SSH2: variants seen among roughly 807,000 people sequenced by gnomAD.
SSH2 encodes slingshot protein phosphatase 2, also known as protein phosphatase Slingshot homolog 2.
A neutral mutation model predicts 135.2 loss-of-function variants in SSH2; 37 were observed. The ratio of observed to expected loss-of-function variants is 0.27; its 90% CI spans 0.21 to 0.36. SSH2 has a LOEUF of 0.36. Among genes scored for constraint, SSH2 ranks in the 10% least tolerant of loss-of-function variants. SSH2 has a pLI of 1.00. For missense variants in SSH2, 1,408 were observed against 1,765.3 expected (o/e 0.80, Z 3.63); for synonymous variants, 628 against 646.2 (o/e 0.97, Z 0.43).
Position 29,930,037 on chromosome 17 carries a change from T to C in SSH2, c.-37A>G. 7.2e-7 allele frequency: 1 copy of C among 1,390,714 alleles called. No homozygotes were observed. Among genetic ancestry groups the C allele is most frequent in the Non-Finnish European group, 9.5e-7 (1 of 1,048,272 alleles). 86.1% of individuals were successfully genotyped at this position (1,390,714 alleles called of 1,614,324 possible). ...TGGGTTGTTCCGGGCAGGGCATTCT[T>C]GTCCTGAGTGTGGGGGACGGGAGGG... On this transcript the variant is annotated 5_prime_UTR_variant, in exon 1 of 16. Transcript: ENST00000540801.
intron 2 of SSH2, among the ~76,000 whole-genome samples, chr17:29,796,380 G>A (rs1484625296): frequency 6.6e-6 from 1 of 151,894 alleles, no homozygotes; most frequent in Non-Finnish European, 1.5e-5. Flanking sequence ...TCGCTCTGTT[G>A]CCCAGGCTGG....
intron 2 of SSH2, among the ~76,000 whole-genome samples, chr17:29,811,601 C>T (rs896565490): frequency 6.6e-6 from 1 of 151,214 alleles, no homozygotes; most frequent in Non-Finnish European, 1.5e-5. Context: ...CAGAGTCTAG[C>T]TCTGTTGCCC....
At chr17:29,761,074 A>ATGCTGGGGAAAGCGGC in intron 3 of SSH2, 1 of 1,275,150 alleles carries the variant, frequency 7.8e-7, no homozygotes, top group South Asian at 1.2e-5. Context: ...GCTCCCCAGG[A>ATGCTGGGGAAAGCGGC]TGCTGGGGAA....
At chr17:29,665,191 G>A (rs1321104457) in intron 11 of SSH2, among the ~76,000 whole-genome samples, 5 of 152,184 alleles carry the variant, frequency 3.3e-5, no homozygotes, top group Non-Finnish European at 7.3e-5. Flanking sequence ...CTGAATCCTT[G>A]TGGAAGTATA....
chr17:29,703,459 A>G (rs889915245), intron 3 of SSH2, among the ~76,000 whole-genome samples: 4 of 152,096 alleles, frequency 2.6e-5, no homozygotes, highest in Non-Finnish European at 5.9e-5. Flanking sequence ...GTAGGTCAAG[A>G]TGGTCTCAAA....
chr17:29,928,316 G>A, intron 1 of SSH2: 1 of 386,416 alleles, frequency 2.6e-6, no homozygotes, highest in East Asian at 3.7e-5. Flanking sequence ...TATGATACTT[G>A]TCTTCAGATG....
intron 1 of SSH2, among the ~76,000 whole-genome samples, chr17:29,924,413 T>C (rs1161769503): frequency 6.6e-6 from 1 of 152,228 alleles, no homozygotes; most frequent in African/African-American, 2.4e-5. Context: ...GTCAAAACTT[T>C]GGTGAAACTT....
rs555751025 is a variant in SSH2 at position 29,657,520 on chromosome 17, C to T, written c.1033-1913G>A. Among the ~76,000 whole-genome samples the T allele has an allele frequency of 1.5e-3, 222 of 150,828 alleles. 2 individuals are homozygous for T. The Middle Eastern group carries it at 0.021, about 14-fold the overall frequency. ...CTGACCTCAGGTGATCCGCCTGCCT[C>T]GGCCTCCCAAAGGGCTGGGATTACA... On this transcript the variant is annotated intron_variant, in intron 11 of 15. Transcript: ENST00000540801.
At chr17:29,664,153 G>A (rs1269221685) in intron 11 of SSH2, among the ~76,000 whole-genome samples, 2 of 152,086 alleles carry the variant, frequency 1.3e-5, no homozygotes, top group Admixed American at 6.6e-5. Context: ...AGGCTGAGGC[G>A]GGAGGATCAG....
chr17:29,822,863 T>C (rs191239218), intron 2 of SSH2, among the ~76,000 whole-genome samples: 40 of 152,328 alleles, frequency 2.6e-4, no homozygotes, highest in Admixed American at 1.2e-3. Flanking sequence ...ATCTGCAAAG[T>C]GAATTCACTG....
intron 1 of SSH2, chr17:29,863,417 T>C (rs1014341792): frequency 3.3e-5 from 5 of 152,248 alleles, no homozygotes; most frequent in African/African-American, 1.2e-4. Context: ...ATCTTAATAC[T>C]GGTCTTCAAG....
intron 3 of SSH2, among the ~76,000 whole-genome samples, chr17:29,736,786 C>CAAAAA (rs1194959594): frequency 0.14 from 1,413 of 10,208 alleles, 408 homozygotes; most frequent in Non-Finnish European, 0.18. Flanking sequence ...GACTCTGTCT[C>CAAAAA]AAAAAAAAAA....
rs531310094 is a variant in SSH2 at position 29,804,843 on chromosome 17, C to CTTTT, written c.145-10910_145-10907dup. Among the ~76,000 whole-genome samples the CTTTT allele has an allele frequency of 3.4e-4, 34 of 98,956 alleles. 1 individual carries two copies. The highest frequency in any genetic ancestry group is 6.8e-4 in the South Asian group (2 of 2,960). 64.9% of individuals were successfully genotyped at this position (98,956 alleles called of 152,430 possible). On this transcript the variant is annotated intron_variant, in intron 2 of 15. Coordinates refer to ENST00000540801, the MANE Select transcript of SSH2 (RefSeq NM_001282129.2). ...TATAGGTGCATACCACCACATCTGGCTTTTTTTTTTTTTTTTTTTTTTTTG... is the reference window on the plus strand; with the variant it reads ...TATAGGTGCATACCACCACATCTGGCTTTTTTTTTTTTTTTTTTTTTTTTTTTTG...
chr17:29,676,667 T>C (rs1217714822), intron 8 of SSH2, 153 bp downstream of exon 8: 1 of 601,258 alleles, frequency 1.7e-6, no homozygotes, highest in Non-Finnish European at 2.9e-6. Context: ...ACAATTTGAA[T>C]ATTGCATTTC....
chr17:29,791,258 G>C (rs965665071), intron 3 of SSH2, among the ~76,000 whole-genome samples: 1 of 151,798 alleles, frequency 6.6e-6, no homozygotes, highest in African/African-American at 2.4e-5. Context: ...CTAATTTTTT[G>C]TATTTTTAGC....
chr17:29,686,582 C>A (rs546325464), intron 5 of SSH2, among the ~76,000 whole-genome samples: 10 of 150,870 alleles, frequency 6.6e-5, no homozygotes, highest in African/African-American at 2.4e-4. Context: ...GTTGCCCAGG[C>A]TGGTCTCGAA....
intron 1 of SSH2, among the ~76,000 whole-genome samples, chr17:29,899,269 T>A (rs1444973296): frequency 6.6e-6 from 1 of 151,996 alleles, no homozygotes; most frequent in African/African-American, 2.4e-5. Context: ...GTGTTGGAAG[T>A]TCTGGCCAGG....
At chr17:29,834,934 T>C (rs902231776) in intron 2 of SSH2, among the ~76,000 whole-genome samples, 5 of 152,200 alleles carry the variant, frequency 3.3e-5, no homozygotes, top group African/African-American at 1.2e-4. Flanking sequence ...TTAGTACATA[T>C]CCTTTTTAAA....
At chr17:29,806,876 G>A (rs183614202) in intron 2 of SSH2, among the ~76,000 whole-genome samples, 25 of 152,138 alleles carry the variant, frequency 1.6e-4, no homozygotes, top group East Asian at 5.8e-4. Flanking sequence ...TTTCTTATTC[G>A]TCTGTCCTAC....
Sources: allele counts gnomAD v4.1 joint callset (sites outside exome capture counted in the v4.1 genomes callset), GRCh38; gene constraint gnomAD v4.1.1; transcripts MANE v1.5; gene names NCBI Gene and HGNC (gene_info 2026-07-23, HGNC 2026-07-21).